Variants in FHIT observed in about 807,000 individuals in gnomAD.
FHIT encodes bis(5'-adenosyl)-triphosphatase.
FHIT carries 19 observed loss-of-function variants against 17.9 expected under a neutral mutation model. The ratio of observed to expected loss-of-function variants is 1.06; its 90% CI spans 0.74 to 1.56. The LOEUF is 1.56. Ranked by LOEUF, FHIT falls within the 40% of genes most tolerant of loss-of-function variation. The pLI, the probability that FHIT is intolerant of heterozygous loss-of-function variation, is 0.00. For missense variants in FHIT, 248 were observed against 189.2 expected (o/e 1.31, Z -1.82); for synonymous variants, 81 against 69.7 (o/e 1.16, Z -0.81).
intron 5 of FHIT, among the ~76,000 whole-genome samples, chr3:60,513,200 T>C (rs896443452): frequency 2.0e-5 from 3 of 152,194 alleles, no homozygotes; most frequent in Admixed American, 2.0e-4. Flanking sequence ...CACAGATATA[T>C]CAAGATGTCA....
intron 5 of FHIT, among the ~76,000 whole-genome samples, chr3:60,064,523 C>T (rs1702420591): frequency 6.6e-6 from 1 of 152,156 alleles, no homozygotes; most frequent in Non-Finnish European, 1.5e-5. Context: ...TTGTATCATC[C>T]ACACCCTGAA....
At chr3:60,904,462 A>G (rs1479549314) in intron 3 of FHIT, among the ~76,000 whole-genome samples, 2 of 146,506 alleles carry the variant, frequency 1.4e-5, no homozygotes, top group Admixed American at 7.1e-5. Context: ...CTTTCTAACT[A>G]TAACTCAAAT....
At chr3:61,235,710 A>G (rs1051650909) in intron 1 of FHIT, among the ~76,000 whole-genome samples, 1 of 152,094 alleles carries the variant, frequency 6.6e-6, no homozygotes, top group African/African-American at 2.4e-5. Flanking sequence ...TCAAAAAAAA[A>G]AGAACCCATG....
chr3:60,612,755 G>A (rs558900440), intron 4 of FHIT, among the ~76,000 whole-genome samples: 3 of 152,230 alleles, frequency 2.0e-5, no homozygotes, highest in Admixed American at 1.3e-4. Context: ...AGAACTTTGA[G>A]ACTAGATAAA....
intron 5 of FHIT, among the ~76,000 whole-genome samples, chr3:60,040,068 A>G (rs1046563478): frequency 6.6e-6 from 1 of 152,232 alleles, no homozygotes; most frequent in African/African-American, 2.4e-5. Flanking sequence ...TCTTAAGATG[A>G]CACCCATAAA....
At chr3:61,180,883 T>A (rs1296318706) in intron 2 of FHIT, among the ~76,000 whole-genome samples, 1 of 152,114 alleles carries the variant, frequency 6.6e-6, no homozygotes, top group Non-Finnish European at 1.5e-5. Context: ...TTATGTGGAG[T>A]GGGGCATAGT....
chr3:61,024,558 C>T (rs28393609), intron 3 of FHIT, among the ~76,000 whole-genome samples: 3,397 of 152,006 alleles, frequency 0.022, 59 homozygotes, highest in African/African-American at 0.049. Context: ...TTTATTGTTA[C>T]ATTTGTATGT....
Position 61,134,132 on chromosome 3 carries a change from A to ACACACACACACAC in FHIT, c.-164+66484_-164+66485insGTGTGTGTGTGTG, listed in dbSNP as rs1455630506. Among the ~76,000 whole-genome samples, 13 of 37,272 alleles carry ACACACACACACAC rather than the reference A, an allele frequency of 3.5e-4. No individual in the cohort carries two copies. The South Asian group carries it at 6.0e-3, about 17-fold the overall frequency. 24.5% of individuals were successfully genotyped at this position (37,272 alleles called of 152,430 possible). ...ACACACACACACACACACACACACA[A>ACACACACACACAC]AGAGGTCAAGGGAGGTAGAGCTCAA... On this transcript the variant is annotated intron_variant, in intron 2 of 9. Coordinates refer to ENST00000492590, the MANE Select transcript of FHIT (RefSeq NM_002012.4).
intron 8 of FHIT, among the ~76,000 whole-genome samples, chr3:59,915,488 C>T (rs1051155218): frequency 1.3e-5 from 2 of 152,318 alleles, no homozygotes; most frequent in Non-Finnish European, 2.9e-5. Flanking sequence ...GAAGCTCAAC[C>T]TGTAGATACC....
chr3:61,146,289 G>C (rs1230321387), intron 2 of FHIT, among the ~76,000 whole-genome samples: 2 of 151,980 alleles, frequency 1.3e-5, no homozygotes, highest in African/African-American at 4.8e-5. Flanking sequence ...TTCATATTTT[G>C]CTGAATACTG....
At chr3:61,170,256 T>C (rs9871451) in intron 2 of FHIT, among the ~76,000 whole-genome samples, 70,691 of 152,014 alleles carry the variant, frequency 0.47, 17,320 homozygotes, top group East Asian at 0.87. Context: ...CCTGGTCAAA[T>C]TACCTTGGTT....
At chr3:60,099,300 G>C (rs17376950) in intron 5 of FHIT, among the ~76,000 whole-genome samples, 4,740 of 152,186 alleles carry the variant, frequency 0.031, 98 homozygotes, top group Non-Finnish European at 0.042. Flanking sequence ...GAATGGGATG[G>C]GCTCAAACGA....
chr3:60,732,497 C>A, intron 4 of FHIT: 1 of 685,750 alleles, frequency 1.5e-6, no homozygotes, highest in South Asian at 1.4e-5. Context: ...ACCCTCACAC[C>A]CAAATCCTTT....
chr3:60,698,860 A>G (rs1021590284), intron 4 of FHIT, among the ~76,000 whole-genome samples: 5 of 152,204 alleles, frequency 3.3e-5, no homozygotes, highest in Admixed American at 3.3e-4. Flanking sequence ...AAAAAGTTCA[A>G]AAAATACAGA....
intron 5 of FHIT, among the ~76,000 whole-genome samples, chr3:60,456,892 C>A (rs1052952160): frequency 6.6e-6 from 1 of 152,078 alleles, no homozygotes; most frequent in Non-Finnish European, 1.5e-5. Context: ...AGGACCTCTT[C>A]AAGGAGAACT....
At chr3:60,672,336 T>TAGG (rs1301772572) in intron 4 of FHIT, among the ~76,000 whole-genome samples, 2 of 150,568 alleles carry the variant, frequency 1.3e-5, no homozygotes, top group African/African-American at 4.9e-5. Flanking sequence ...GGCCATTTTA[T>TAGG]AGGATTTGGG....
At chr3:60,388,848 T>C (rs1701116008) in intron 5 of FHIT, among the ~76,000 whole-genome samples, 1 of 152,132 alleles carries the variant, frequency 6.6e-6, no homozygotes, top group African/African-American at 2.4e-5. Context: ...GTCATCTGTA[T>C]CTAACAGACA....
intron 1 of FHIT, among the ~76,000 whole-genome samples, chr3:61,235,661 C>T (rs773640430): frequency 1.1e-4 from 17 of 151,936 alleles, no homozygotes; most frequent in Admixed American, 2.0e-4. Flanking sequence ...AAGATTGCGC[C>T]ACTGCACTCC....
At chr3:60,734,017 G>A (rs2042085067) in intron 4 of FHIT, among the ~76,000 whole-genome samples, 1 of 152,180 alleles carries the variant, frequency 6.6e-6, no homozygotes, top group African/African-American at 2.4e-5. Flanking sequence ...TCTGAATAAT[G>A]AAAGAAGAAT....
Sources: gnomAD v4.1 joint callset for allele counts (sites outside exome capture counted in the v4.1 genomes callset) on GRCh38, gnomAD v4.1.1 for gene constraint, MANE v1.5 for transcripts, NCBI Gene and HGNC (gene_info 2026-07-23, HGNC 2026-07-21) for gene names.